TRPC5: variants seen among roughly 807,000 people sequenced by gnomAD.
TRPC5 encodes transient receptor potential cation channel subfamily C member 5.
TRPC5 carries 9 observed loss-of-function variants against 56.5 expected under a neutral mutation model. The observed-to-expected ratio is 0.16, with a 90% CI of 0.10 to 0.28. The LOEUF (loss-of-function observed/expected upper bound fraction) is 0.28. Ranked by LOEUF, TRPC5 falls within the 10% of genes least tolerant of loss-of-function variation. TRPC5 has a pLI of 1.00. For missense variants in TRPC5, 469 were observed against 748.9 expected (o/e 0.63, Z 4.36); for synonymous variants, 282 against 278.5 (o/e 1.01, Z -0.13).
chrX:111,825,228 TTCTCTCTCTCTC>T (rs56898407), intron 7 of TRPC5, among the ~76,000 whole-genome samples: 1 of 76,085 alleles, frequency 1.3e-5, no homozygotes, highest in African/African-American at 6.5e-5. Flanking sequence ...TCTTCTTTCT[TTCTCTCTCTCTC>T]TCTCTCTCTC....
chrX:111,859,232 T>G (rs1022092103), intron 3 of TRPC5, among the ~76,000 whole-genome samples: 3 of 111,982 alleles, frequency 2.7e-5, no homozygotes, highest in African/African-American at 9.8e-5. Flanking sequence ...TTGAGTGTGA[T>G]GTATCCAGGG....
intron 1 of TRPC5, among the ~76,000 whole-genome samples, chrX:112,076,713 T>C (rs1251630408): frequency 1.8e-5 from 2 of 111,879 alleles, no homozygotes; most frequent in South Asian, 3.7e-4. Flanking sequence ...ACTTTTGACT[T>C]TCTAACTTGG....
intron 7 of TRPC5, among the ~76,000 whole-genome samples, chrX:111,808,351 C>T (rs1031148604): frequency 9.1e-6 from 1 of 110,057 alleles, no homozygotes; most frequent in Non-Finnish European, 1.9e-5. Flanking sequence ...CAAGACAAAA[C>T]CCTTCCCAAT....
rs770249403 is a variant in TRPC5, at chrX:111,784,801, C to T, written c.1897-2663G>A. Among the ~76,000 whole-genome samples, 7 of 112,897 alleles carry T rather than the reference C, an allele frequency of 6.2e-5. 1 individual carries two copies. The South Asian group carries it at 2.2e-3, about 35-fold the overall frequency. ...CCTGGCTTGGCAGGTCCCACGCCCA[C>T]GGAACCTTGCTTGCTGCTAGTGCAG... is the stretch of plus-strand genomic sequence containing the variant. On this transcript the variant is annotated intron_variant, in intron 7 of 10. Coordinates refer to ENST00000262839, the MANE Select transcript of TRPC5 (RefSeq NM_012471.3).
chrX:111,829,571 T>C (rs1255523863), intron 7 of TRPC5, among the ~76,000 whole-genome samples: 1 of 112,163 alleles, frequency 8.9e-6, no homozygotes, highest in African/African-American at 3.2e-5. Context: ...CCTTGCTGTA[T>C]GCAGCCTAGG....
intron 7 of TRPC5, among the ~76,000 whole-genome samples, chrX:111,786,568 T>G (rs374324009): frequency 5.7e-4 from 63 of 110,971 alleles, no homozygotes; most frequent in African/African-American, 1.9e-3. Context: ...CATAAAATAT[T>G]AACCTTAAAT....
intron 6 of TRPC5, among the ~76,000 whole-genome samples, chrX:111,846,389 T>A (rs182168868): frequency 4.5e-5 from 5 of 111,879 alleles, no homozygotes; most frequent in Non-Finnish European, 9.4e-5. Flanking sequence ...TCCCCTGGCA[T>A]TGATTTATCA....
chrX:111,769,372 C>T lies in TRPC5; in HGVS notation c.*6941G>A, dbSNP rs1945831084. On this transcript the variant is annotated 3_prime_UTR_variant, in exon 11 of 11. Coordinates refer to ENST00000262839, the MANE Select transcript of TRPC5 (RefSeq NM_012471.3). ...GGTTGTTCCCAAATCAGTGAAGCTT[C>T]TCTATCTAAATATATTGCTCTTTAA... 1.8e-5 allele frequency among the ~76,000 whole-genome samples: 2 copies of T among 112,016 alleles called. No homozygotes were observed. Among genetic ancestry groups the T allele is most frequent in the South Asian group, 7.5e-4 (2 of 2,679 alleles).
intron 3 of TRPC5, among the ~76,000 whole-genome samples, chrX:111,895,647 A>C (rs1398510095): frequency 9.1e-6 from 1 of 110,041 alleles, no homozygotes; most frequent in Non-Finnish European, 1.9e-5. Flanking sequence ...CCTATGATTC[A>C]TTTCAAATCA....
At chrX:111,924,105 A>G (rs1286181296) in intron 2 of TRPC5, among the ~76,000 whole-genome samples, 1 of 112,230 alleles carries the variant, frequency 8.9e-6, no homozygotes, top group Non-Finnish European at 1.9e-5. Flanking sequence ...ATTGGATATC[A>G]TGATAAAGGT....
At chrX:111,890,682 C>T (rs886210255) in intron 3 of TRPC5, among the ~76,000 whole-genome samples, 24 of 111,646 alleles carry the variant, frequency 2.1e-4, no homozygotes, top group Middle Eastern at 4.6e-3. Flanking sequence ...GCCAAGAATC[C>T]GAAGAATCAG....
chrX:112,060,329 G>T (rs1357001435), intron 1 of TRPC5, among the ~76,000 whole-genome samples: 2 of 111,657 alleles, frequency 1.8e-5, no homozygotes, highest in Admixed American at 9.5e-5. Context: ...ACCACCCAGG[G>T]CAACCTGCAT....
intron 1 of TRPC5, among the ~76,000 whole-genome samples, chrX:111,990,355 T>A (rs1332251687): frequency 1.8e-5 from 2 of 109,337 alleles, no homozygotes; most frequent in Non-Finnish European, 3.8e-5. Flanking sequence ...GAGGCAGAGG[T>A]TGCAGTGAGC....
intron 3 of TRPC5, among the ~76,000 whole-genome samples, chrX:111,904,828 C>A (rs1487120793): frequency 8.9e-6 from 1 of 111,812 alleles, no homozygotes; most frequent in East Asian, 2.8e-4. Flanking sequence ...GTTTGTATGA[C>A]AATACCTGAA....
At chrX:112,066,022 C>T (rs1030571872) in intron 1 of TRPC5, among the ~76,000 whole-genome samples, 1 of 108,040 alleles carries the variant, frequency 9.3e-6, no homozygotes, top group Non-Finnish European at 1.9e-5. Context: ...CTACCTGTCC[C>T]CAGACAGCTC....
At chrX:111,886,384 TCA>T (rs1281927489) in intron 3 of TRPC5, among the ~76,000 whole-genome samples, 2 of 112,998 alleles carry the variant, frequency 1.8e-5, no homozygotes, top group Non-Finnish European at 3.7e-5. Flanking sequence ...TCTTCATGTT[TCA>T]GTGATGTTTG....
intron 1 of TRPC5, among the ~76,000 whole-genome samples, chrX:112,051,884 T>C (rs1223570227): frequency 2.7e-5 from 3 of 112,257 alleles, no homozygotes; most frequent in African/African-American, 9.7e-5. Flanking sequence ...AAGTTGGCTT[T>C]TTCCGAGCGG....
At chrX:111,963,512 G>A (rs759664795) in intron 1 of TRPC5, among the ~76,000 whole-genome samples, 3 of 112,147 alleles carry the variant, frequency 2.7e-5, no homozygotes, top group South Asian at 7.4e-4. Flanking sequence ...ATCTGAGAAC[G>A]AGCAGACTGC....
chrX:111,982,458 T>G (rs1928108068), intron 1 of TRPC5, among the ~76,000 whole-genome samples: 1 of 111,441 alleles, frequency 9.0e-6, no homozygotes, highest in Admixed American at 9.6e-5. Context: ...GCATCCTGCC[T>G]GGATTGGGTT....
Sources: allele counts gnomAD v4.1 joint callset (sites outside exome capture counted in the v4.1 genomes callset), GRCh38; gene constraint gnomAD v4.1.1; transcripts MANE v1.5; gene names NCBI Gene and HGNC (gene_info 2026-07-23, HGNC 2026-07-21).